Variants in CDKAL1 observed in about 807,000 individuals in gnomAD.
CDKAL1 encodes threonylcarbamoyladenosine tRNA methylthiotransferase.
A neutral mutation model predicts 68.2 loss-of-function variants in CDKAL1; 32 were observed. The observed-to-expected ratio is 0.47, with a 90% CI of 0.35 to 0.63. The LOEUF is 0.63. Among genes scored for constraint, CDKAL1 ranks in the 30% least tolerant of loss-of-function variants. The probability of loss-of-function intolerance (pLI) is 0.00; values close to 1 mark genes in which losing one functional copy is unlikely to be tolerated. For synonymous variants in CDKAL1, 234 were observed against 244.3 expected, an observed-to-expected ratio of 0.96 and a Z score of 0.39; for missense variants, 606 against 696.7, an observed-to-expected ratio of 0.87 and a Z score of 1.47.
chr6:21,190,289 G>A (rs1428122356), intron 13 of CDKAL1, among the ~76,000 whole-genome samples: 2 of 152,064 alleles, frequency 1.3e-5, no homozygotes, highest in Non-Finnish European at 2.9e-5. Context: ...ATATTCTGTA[G>A]GATAAGCACA....
rs940917867 is a variant in CDKAL1, at chr6:20,699,903, T to C, written c.372-39616T>C. Among the ~76,000 whole-genome samples, 10 of 152,224 alleles carry C rather than the reference T, an allele frequency of 6.6e-5. No homozygotes were observed. The South Asian group carries it at 2.1e-3, about 32-fold the overall frequency. On this transcript the variant is annotated intron_variant, in intron 5 of 15. Coordinates refer to ENST00000274695, the MANE Select transcript of CDKAL1 (RefSeq NM_017774.3). ...GCCTCCCAAATTGTTGACTAAATTG[T>C]AGCAGTAGTGACTAACCAGTCTTTT...
At chr6:20,944,538 G>T (rs111293107) in intron 9 of CDKAL1, among the ~76,000 whole-genome samples, 26,982 of 152,076 alleles carry the variant, frequency 0.18, 2,773 homozygotes, top group Admixed American at 0.26. Flanking sequence ...GTAGAGACAG[G>T]GTTTCCATGT....
At chr6:21,049,937 A>G (rs1389441393) in intron 11 of CDKAL1, among the ~76,000 whole-genome samples, 3 of 151,852 alleles carry the variant, frequency 2.0e-5, no homozygotes, top group African/African-American at 7.3e-5. Flanking sequence ...TGCATTTTAA[A>G]TTCTCAGAAT....
chr6:21,224,202 C>T (rs1355742750), intron 15 of CDKAL1, among the ~76,000 whole-genome samples: 1 of 152,154 alleles, frequency 6.6e-6, no homozygotes, highest in African/African-American at 2.4e-5. Context: ...AGGAACTCTG[C>T]AGATGTGATT....
intron 13 of CDKAL1, among the ~76,000 whole-genome samples, chr6:21,175,990 TCACC>T (rs1777557787): frequency 6.6e-6 from 1 of 152,262 alleles, no homozygotes; most frequent in Non-Finnish European, 1.5e-5. Context: ...GCTGTGCCCG[TCACC>T]TACCAGCTGT....
chr6:21,190,798 A>G (rs753688003), intron 13 of CDKAL1, among the ~76,000 whole-genome samples: 1 of 152,240 alleles, frequency 6.6e-6, no homozygotes, highest in Non-Finnish European at 1.5e-5. Flanking sequence ...TCTATCTTAC[A>G]CAGGTCCATA....
chr6:20,569,150 G>T (rs1764598652), intron 4 of CDKAL1, among the ~76,000 whole-genome samples: 1 of 152,172 alleles, frequency 6.6e-6, no homozygotes, highest in African/African-American at 2.4e-5. Context: ...GATGTAAAAC[G>T]TTGAATGATT....
At chr6:20,950,982 AG>A (rs1356819490) in intron 9 of CDKAL1, among the ~76,000 whole-genome samples, 4 of 150,862 alleles carry the variant, frequency 2.7e-5, no homozygotes, top group African/African-American at 9.7e-5. Context: ...AAAAAAAAAA[AG>A]AAAAGAAAAG....
chr6:20,664,299 G>T (rs3060776), intron 5 of CDKAL1, among the ~76,000 whole-genome samples: 28,044 of 151,950 alleles, frequency 0.18, 2,769 homozygotes, highest in African/African-American at 0.23. Context: ...ATGATAGAAA[G>T]TGTTTTGGGA....
intron 9 of CDKAL1, among the ~76,000 whole-genome samples, chr6:20,863,383 A>C (rs1470026689): frequency 2.0e-5 from 3 of 152,202 alleles, no homozygotes; most frequent in African/African-American, 7.2e-5. Context: ...TGATTTGTTT[A>C]GATGTTTATA....
At chr6:21,151,342 GTAACAGTTTT>G (rs2151049350) in intron 13 of CDKAL1, among the ~76,000 whole-genome samples, 1 of 152,326 alleles carries the variant, frequency 6.6e-6, no homozygotes, top group South Asian at 2.1e-4. Context: ...CTGGACAGTA[GTAACAGTTTT>G]TGTGTGTTAC....
rs1224508596 is a variant in CDKAL1 at position 20,972,868 on chromosome 6, G to A, written c.909+17283G>A. 2.0e-5 allele frequency among the ~76,000 whole-genome samples: 3 copies of A among 152,092 alleles called. No individual in the cohort carries two copies. The East Asian group carries it at 5.8e-4, about 29-fold the overall frequency. On this transcript the variant is annotated intron_variant, in intron 10 of 15. Transcript: ENST00000274695. The stretch of plus-strand genomic sequence containing the variant: ...AGATTTTCACATTTCTATGGGTTTT[G>A]ATGTTTTCACATATCAACTGGGCAT...
At chr6:21,161,510 C>T (rs897701169) in intron 13 of CDKAL1, among the ~76,000 whole-genome samples, 4 of 152,104 alleles carry the variant, frequency 2.6e-5, no homozygotes, top group African/African-American at 9.7e-5. Context: ...ACTGAATATG[C>T]TCTTTTTAAG....
At chr6:20,571,189 C>T (rs1027815263) in intron 4 of CDKAL1, among the ~76,000 whole-genome samples, 3 of 152,180 alleles carry the variant, frequency 2.0e-5, no homozygotes, top group Non-Finnish European at 2.9e-5. Context: ...TTGAGTTACT[C>T]TGTGCAAGGC....
intron 8 of CDKAL1, among the ~76,000 whole-genome samples, chr6:20,794,696 C>T (rs1226148917): frequency 6.6e-6 from 1 of 151,862 alleles, no homozygotes; most frequent in Non-Finnish European, 1.5e-5. Context: ...AACTGAGGCC[C>T]CAAGGACTAA....
At chr6:21,191,602 T>TCTGCCA (rs564242724) in intron 13 of CDKAL1, among the ~76,000 whole-genome samples, 1,828 of 152,240 alleles carry the variant, frequency 0.012, 15 homozygotes, top group Non-Finnish European at 0.018. Context: ...TTCCCTTTCT[T>TCTGCCA]CTGCCACTGC....
chr6:20,569,489 C>A (rs1389071943), intron 4 of CDKAL1, among the ~76,000 whole-genome samples: 2 of 152,164 alleles, frequency 1.3e-5, no homozygotes, highest in Non-Finnish European at 2.9e-5. Context: ...TGGTCAAGAG[C>A]ATTTCGAGTG....
At chr6:20,558,801 A>C in intron 4 of CDKAL1, 2 of 344,760 alleles carry the variant, frequency 5.8e-6, no homozygotes, top group Non-Finnish European at 1.1e-5. Flanking sequence ...AGTGGAAGAA[A>C]AGTCGACATA....
At chr6:20,735,319 A>G (rs1294071295) in intron 5 of CDKAL1, among the ~76,000 whole-genome samples, 1 of 152,212 alleles carries the variant, frequency 6.6e-6, no homozygotes, top group Non-Finnish European at 1.5e-5. Flanking sequence ...AAGAGGTTTA[A>G]TTGACTCAGT....
Sources: allele counts gnomAD v4.1 joint callset (sites outside exome capture counted in the v4.1 genomes callset), GRCh38; gene constraint gnomAD v4.1.1; transcripts MANE v1.5; gene names NCBI Gene and HGNC (gene_info 2026-07-23, HGNC 2026-07-21).